Variants in RHOA observed in about 807,000 individuals in gnomAD.
The protein encoded by RHOA is ras homolog family member A, also known as transforming protein RhoA.
In RHOA, 3 loss-of-function variants were observed where a neutral mutation model predicts 17.5. That is an observed-to-expected ratio of 0.17 (90% confidence interval 0.08 to 0.44). The LOEUF (loss-of-function observed/expected upper bound fraction) is 0.44. RHOA is among the 20% of genes least tolerant of loss of function. The probability of loss-of-function intolerance (pLI) is 0.99; values close to 1 mark genes in which losing one functional copy is unlikely to be tolerated. For missense variants in RHOA, 56 were observed against 242.3 expected, an observed-to-expected ratio of 0.23 and a Z score of 5.10; for synonymous variants, 98 against 88.4, an observed-to-expected ratio of 1.11 and a Z score of -0.61.
At chr3:49,384,583 C>T (rs1038485958) in intron 1 of RHOA, among the ~76,000 whole-genome samples, 1 of 151,772 alleles carries the variant, frequency 6.6e-6, no homozygotes, top group Non-Finnish European at 1.5e-5. Context: ...CATGGCTTAC[C>T]ACAACCTTGA....
At chr3:49,361,507 A>C (rs1433687902) in intron 4 of RHOA, among the ~76,000 whole-genome samples, 1 of 152,216 alleles carries the variant, frequency 6.6e-6, no homozygotes, top group Admixed American at 6.5e-5. Context: ...CCCAGCCTTC[A>C]AGATTTCCTT....
intron 1 of RHOA, among the ~76,000 whole-genome samples, chr3:49,382,894 A>C (rs1000955281): frequency 6.6e-6 from 1 of 151,890 alleles, no homozygotes; most frequent in African/African-American, 2.4e-5. Context: ...ATATCCACTA[A>C]AAATACAAAA....
rs138859909 is a variant in RHOA at position 49,378,892 on chromosome 3, G to A, written c.-2-3301C>T. Among the ~76,000 whole-genome samples the A allele has an allele frequency of 1.2e-4, 18 of 151,866 alleles. No individual in the cohort carries two copies. The East Asian group carries it at 2.5e-3, about 21-fold the overall frequency. The stretch of plus-strand genomic sequence containing the variant: ...ATTACAAGCATAAGCCACCTCCCCA[G>A]GCCTAAATACAGTATATAGAAAAAA... On this transcript the variant is annotated intron_variant, in intron 1 of 4. Coordinates refer to ENST00000418115, the MANE Select transcript of RHOA (RefSeq NM_001664.4).
chr3:49,393,824 C>G (rs1025476198), intron 1 of RHOA, among the ~76,000 whole-genome samples: 1 of 151,472 alleles, frequency 6.6e-6, no homozygotes, highest in Non-Finnish European at 1.5e-5. Flanking sequence ...GTTCTCCTGT[C>G]TCAGCCTCCT....
At chr3:49,400,869 T>C (rs986215503) in intron 1 of RHOA, among the ~76,000 whole-genome samples, 12 of 150,536 alleles carry the variant, frequency 8.0e-5, no homozygotes, top group Non-Finnish European at 1.6e-4. Flanking sequence ...CACGGTGAAA[T>C]CCCGTCTCTA....
intron 1 of RHOA, among the ~76,000 whole-genome samples, chr3:49,409,024 G>A (rs373419212): frequency 8.6e-5 from 13 of 151,236 alleles, no homozygotes; most frequent in African/African-American, 2.9e-4. Context: ...TCCAGACCTC[G>A]TGATCCGCCC....
intron 1 of RHOA, among the ~76,000 whole-genome samples, chr3:49,410,863 G>A (rs924984128): frequency 6.6e-6 from 1 of 152,008 alleles, no homozygotes; most frequent in Non-Finnish European, 1.5e-5. Context: ...CAACAACAGA[G>A]GTAAAAATTT....
chr3:49,389,717 G>A (rs1305883736), intron 1 of RHOA, among the ~76,000 whole-genome samples: 3 of 151,602 alleles, frequency 2.0e-5, no homozygotes, highest in East Asian at 1.9e-4. Flanking sequence ...CGAGGCAGGC[G>A]GATCACGAGG....
In RHOA at chr3:49,374,053, T is replaced by TA. The variant is rs145785119; in HGVS notation, c.156+1380dup. On this transcript the variant is annotated intron_variant, in intron 2 of 4. Transcript: ENST00000418115. ...TGTGGCAGGCTATTTTATGTTAAAG[T>TA]AAAAAAAAATCTTTTGGCCGGGCAC... Among the ~76,000 whole-genome samples, 19 of 151,638 alleles carry TA rather than the reference T, an allele frequency of 1.3e-4. No homozygotes were observed. The South Asian group carries it at 2.3e-3, about 18-fold the overall frequency.
At chr3:49,374,867 G>A (rs1202263477) in intron 2 of RHOA, among the ~76,000 whole-genome samples, 1 of 152,124 alleles carries the variant, frequency 6.6e-6, no homozygotes, top group East Asian at 1.9e-4. Flanking sequence ...GACCAGCCTG[G>A]CCAACGTAGT....
intron 1 of RHOA, among the ~76,000 whole-genome samples, chr3:49,407,504 G>A (rs1186844878): frequency 6.6e-6 from 1 of 152,052 alleles, no homozygotes; most frequent in Admixed American, 6.6e-5. Context: ...AAAGTGCTGG[G>A]ATTACAGGCA....
intron 1 of RHOA, among the ~76,000 whole-genome samples, chr3:49,403,551 C>CA (rs989508355): frequency 3.6e-4 from 51 of 141,720 alleles, no homozygotes; most frequent in African/African-American, 4.7e-4. Flanking sequence ...CCTCTCTCTA[C>CA]AAAAAAAAAA....
rs755054356 is a variant in RHOA, at chr3:49,359,637, G to A, written c.*572C>T. The A allele has an allele frequency of 2.4e-4, 51 of 209,852 alleles. No individual in the cohort carries two copies. Among genetic ancestry groups the A allele is most frequent in the Middle Eastern group, 1.5e-3 (1 of 680 alleles). The allele number at this position is 209,852 out of a possible 1,614,324, so 13.0% of individuals were successfully genotyped here. On this transcript the variant is annotated 3_prime_UTR_variant, in exon 5 of 5. Transcript: ENST00000418115. ...TCTGGGGTAGATATATTTATTTTTGGTAACATACATTAAGTGGCACTAATT... is the reference window on the plus strand; with the variant it reads ...TCTGGGGTAGATATATTTATTTTTGATAACATACATTAAGTGGCACTAATT...
At chr3:49,407,929 A>AGG (rs200963379) in intron 1 of RHOA, among the ~76,000 whole-genome samples, 1 of 152,142 alleles carries the variant, frequency 6.6e-6, no homozygotes, top group African/African-American at 2.4e-5. Context: ...TCAGAGGCCA[A>AGG]GGGGGGCAGA....
chr3:49,370,965 G>GT (rs1225534961), intron 2 of RHOA, among the ~76,000 whole-genome samples: 27 of 151,994 alleles, frequency 1.8e-4, no homozygotes, highest in African/African-American at 6.5e-4. Flanking sequence ...CCTCCACAAG[G>GT]CCCACTGTAC....
chr3:49,364,410 G>A (rs1486142964), intron 3 of RHOA, among the ~76,000 whole-genome samples: 4 of 152,150 alleles, frequency 2.6e-5, no homozygotes, highest in Non-Finnish European at 2.9e-5. Context: ...GCTTGAACCC[G>A]GGAGGCGGAA....
At chr3:49,375,332 T>A in intron 2 of RHOA, 102 bp downstream of exon 2, 2 of 1,056,440 alleles carry the variant, frequency 1.9e-6, no homozygotes, top group South Asian at 3.8e-5. Flanking sequence ...AACATTTTTG[T>A]TATATGGTAT....
At chr3:49,394,006 G>A (rs2048570655) in intron 1 of RHOA, among the ~76,000 whole-genome samples, 1 of 151,400 alleles carries the variant, frequency 6.6e-6, no homozygotes, top group Non-Finnish European at 1.5e-5. Flanking sequence ...AAGTAGCTAG[G>A]ACTACAGGCA....
intron 2 of RHOA, 90 bp from the exon 3 acceptor site, chr3:49,368,638 G>A: frequency 7.1e-7 from 1 of 1,407,352 alleles, no homozygotes; most frequent in Non-Finnish European, 1.0e-6. Context: ...ACATTGAAAT[G>A]GCAGACCATT....
Sources: allele counts gnomAD v4.1 joint callset (sites outside exome capture counted in the v4.1 genomes callset), GRCh38; gene constraint gnomAD v4.1.1; transcripts MANE v1.5; gene names NCBI Gene and HGNC (gene_info 2026-07-23, HGNC 2026-07-21).